DCAF8L2: variants seen among roughly 807,000 people sequenced by gnomAD.
The protein encoded by DCAF8L2 is DDB1- and CUL4-associated factor 8-like protein 2.
For synonymous variants in DCAF8L2, 200 were observed against 190.9 expected (o/e 1.05, Z -0.39); for missense variants, 430 against 490.7 (o/e 0.88, Z 1.17).
rs779499615 is a variant in DCAF8L2, at chrX:27,723,680, G to A, written c.-59+7509G>A. Among the ~76,000 whole-genome samples, 4 of 110,966 alleles carry A rather than the reference G, an allele frequency of 3.6e-5. No homozygotes were observed. In the South Asian group the frequency reaches 1.5e-3, roughly 41 times the overall value. On this transcript the variant is annotated intron_variant, in intron 4 of 4. Coordinates refer to ENST00000451261, the MANE Select transcript of DCAF8L2 (RefSeq NM_001353450.2). Reference sequence around the variant, plus strand: ...TGCCATTATTTACCAAAATACAAATGCAATTCCCCTTTGACCACAGATCTT... The same window carrying A: ...TGCCATTATTTACCAAAATACAAATACAATTCCCCTTTGACCACAGATCTT...
At chrX:27,488,494 G>C in the DCAF8L2 span, among the ~76,000 whole-genome samples, 1 of 103,907 alleles carries the variant, frequency 9.6e-6, no homozygotes, top group African/African-American at 3.5e-5. Context: ...TTTTTACAAA[G>C]TTTTGTGAAG....
chrX:27,663,734 G>T (rs1284107718), intron 2 of DCAF8L2, among the ~76,000 whole-genome samples: 2 of 109,375 alleles, frequency 1.8e-5, no homozygotes, highest in Non-Finnish European at 3.8e-5. Flanking sequence ...GTCTTGCTCT[G>T]TCACCCAGGC....
the DCAF8L2 span, among the ~76,000 whole-genome samples, chrX:27,486,151 A>G: frequency 9.3e-6 from 1 of 107,458 alleles, no homozygotes; most frequent in East Asian, 3.0e-4. Context: ...GATTATAGTC[A>G]TGAGCCACCA....
At chrX:27,623,972 TTA>T (rs1927899810) in intron 1 of DCAF8L2, among the ~76,000 whole-genome samples, 1 of 112,018 alleles carries the variant, frequency 8.9e-6, no homozygotes. Context: ...GTGCATTTAC[TTA>T]TGTTATCTCA....
chrX:27,641,478 T>C (rs1928719710), intron 2 of DCAF8L2, among the ~76,000 whole-genome samples: 2 of 105,435 alleles, frequency 1.9e-5, no homozygotes, highest in African/African-American at 6.9e-5. Context: ...CTTTTCTTTT[T>C]TTTTTTTTTT....
At chrX:27,496,638 T>G in the DCAF8L2 span, among the ~76,000 whole-genome samples, 4 of 111,871 alleles carry the variant, frequency 3.6e-5, no homozygotes, top group African/African-American at 6.5e-5. Context: ...ATTCAGAATT[T>G]GAAAGACACC....
At chrX:27,556,034 G>A in the DCAF8L2 span, among the ~76,000 whole-genome samples, 8 of 110,505 alleles carry the variant, frequency 7.2e-5, no homozygotes, top group African/African-American at 2.6e-4. Flanking sequence ...CTGGCCCGGA[G>A]AGACAAGTGT....
intron 2 of DCAF8L2, among the ~76,000 whole-genome samples, chrX:27,661,943 T>A (rs942979675): frequency 3.6e-5 from 4 of 111,865 alleles, no homozygotes; most frequent in African/African-American, 1.3e-4. Flanking sequence ...TGAAATAAAC[T>A]TAGTGTTTTT....
At chrX:27,559,551 T>G in the DCAF8L2 span, among the ~76,000 whole-genome samples, 1 of 111,759 alleles carries the variant, frequency 8.9e-6, no homozygotes. Flanking sequence ...TGAACAATCA[T>G]TGGCTGCAGT....
At chrX:27,572,473 A>G in the DCAF8L2 span, among the ~76,000 whole-genome samples, 1 of 111,889 alleles carries the variant, frequency 8.9e-6, no homozygotes, top group Admixed American at 9.5e-5. Flanking sequence ...GTGGAGTTAA[A>G]ATGCAATTTT....
At chrX:27,597,176 C>T (rs189245856) in intron 1 of DCAF8L2, among the ~76,000 whole-genome samples, 1 of 111,918 alleles carries the variant, frequency 8.9e-6, no homozygotes, top group East Asian at 2.8e-4. Context: ...TGTTTAAAAT[C>T]ATATACATTT....
intron 1 of DCAF8L2, among the ~76,000 whole-genome samples, chrX:27,628,719 T>C (rs1323070600): frequency 2.7e-5 from 3 of 109,189 alleles, no homozygotes; most frequent in Non-Finnish European, 3.8e-5. Flanking sequence ...TTCTCCTGCC[T>C]CAGCCTCCAG....
chrX:27,497,537 CTTCCTTCCTTCCTTCT>C, the DCAF8L2 span, among the ~76,000 whole-genome samples: 1 of 78,555 alleles, frequency 1.3e-5, no homozygotes, highest in South Asian at 5.8e-4. Flanking sequence ...TCCTTCCTTC[CTTCCTTCCTTCCTTCT>C]TTCTTTCTTT....
At chrX:27,657,148 T>A (rs749351294) in intron 2 of DCAF8L2, among the ~76,000 whole-genome samples, 1 of 111,302 alleles carries the variant, frequency 9.0e-6, no homozygotes, top group Non-Finnish European at 1.9e-5. Context: ...TGGGACCATA[T>A]GATCATGTGA....
At chrX:27,579,661 C>A in the DCAF8L2 span, among the ~76,000 whole-genome samples, 1 of 102,007 alleles carries the variant, frequency 9.8e-6, no homozygotes, top group African/African-American at 3.6e-5. Flanking sequence ...CACACACACA[C>A]AAATATACCA....
At chrX:27,626,144 A>G (rs1464624384) in intron 1 of DCAF8L2, among the ~76,000 whole-genome samples, 1 of 111,871 alleles carries the variant, frequency 8.9e-6, no homozygotes, top group Non-Finnish European at 1.9e-5. Context: ...TTTTTGAGGG[A>G]GCAGCAGGAG....
chrX:27,525,710 A>G, the DCAF8L2 span, among the ~76,000 whole-genome samples: 2 of 111,409 alleles, frequency 1.8e-5, no homozygotes, highest in East Asian at 2.8e-4. Context: ...AGGAGCTCCT[A>G]CAGGGCAGGC....
At chrX:27,711,280 C>T (rs977959338) in intron 3 of DCAF8L2, among the ~76,000 whole-genome samples, 1 of 110,151 alleles carries the variant, frequency 9.1e-6, no homozygotes, top group South Asian at 3.8e-4. Context: ...GTGTCTGGCG[C>T]ATTTCACTTA....
intron 3 of DCAF8L2, among the ~76,000 whole-genome samples, chrX:27,688,472 A>G (rs1019493108): frequency 1.8e-5 from 2 of 112,118 alleles, no homozygotes; most frequent in Admixed American, 1.9e-4. Flanking sequence ...TATTCATACA[A>G]TGGAAATAAT....
Sources: gnomAD v4.1 joint callset for allele counts (sites outside exome capture counted in the v4.1 genomes callset) on GRCh38, gnomAD v4.1.1 for gene constraint, MANE v1.5 for transcripts, NCBI Gene and HGNC (gene_info 2026-07-23, HGNC 2026-07-21) for gene names.